The following TPRG1 variants were observed in gnomAD, a reference collection of about 807,000 sequenced individuals.
The protein encoded by TPRG1 is tumor protein p63 regulated 1, also known as tumor protein p63-regulated gene 1 protein.
In TPRG1, 29 loss-of-function variants were observed where a neutral mutation model predicts 29.3. That is an observed-to-expected ratio of 0.99 (90% CI 0.74 to 1.35). TPRG1 has a LOEUF of 1.35. Among genes scored for constraint, TPRG1 ranks in the 40% most tolerant of loss-of-function variants. The pLI, the probability that TPRG1 is intolerant of heterozygous loss-of-function variation, is 0.00. For missense variants in TPRG1, 327 were observed against 335.0 expected (o/e 0.98, Z 0.19); for synonymous variants, 130 against 116.8 (o/e 1.11, Z -0.73).
chr3:189,022,520 G>C (rs1289661571), intron 3 of TPRG1, among the ~76,000 whole-genome samples: 25 of 151,542 alleles, frequency 1.6e-4, no homozygotes, highest in Non-Finnish European at 8.8e-5. Flanking sequence ...CCCTGCTGGG[G>C]GGTGCCTCCC....
At chr3:189,054,599 G>A (rs1320933744) in intron 4 of TPRG1, among the ~76,000 whole-genome samples, 3 of 151,800 alleles carry the variant, frequency 2.0e-5, no homozygotes, top group Non-Finnish European at 4.4e-5. Flanking sequence ...AGACAACAAT[G>A]TCTACACACA....
intron 1 of TPRG1, among the ~76,000 whole-genome samples, chr3:189,118,186 G>A (rs762308913): frequency 6.6e-6 from 1 of 152,198 alleles, no homozygotes; most frequent in African/African-American, 2.4e-5. Context: ...AGATGGAGAT[G>A]AGGAACTTGT....
chr3:189,231,265 C>CATAT (rs149177739), intron 3 of TPRG1, among the ~76,000 whole-genome samples: 1,959 of 144,236 alleles, frequency 0.014, 43 homozygotes, highest in African/African-American at 0.038. Flanking sequence ...ACCTATAAAA[C>CATAT]ATATATATAT....
chr3:189,139,987 C>A (rs996373610), intron 3 of TPRG1, among the ~76,000 whole-genome samples: 1 of 152,154 alleles, frequency 6.6e-6, no homozygotes, highest in Non-Finnish European at 1.5e-5. Context: ...TGGATCTTGA[C>A]AAGAGCTGTC....
intron 1 of TPRG1, among the ~76,000 whole-genome samples, chr3:189,101,769 T>A (rs577351042): frequency 4.1e-4 from 62 of 150,984 alleles, no homozygotes; most frequent in Non-Finnish European, 8.7e-4. Context: ...TGTTTTCTTT[T>A]CAAATTAATA....
At chr3:189,311,871 A>G (rs998263944) in intron 5 of TPRG1, among the ~76,000 whole-genome samples, 2 of 152,154 alleles carry the variant, frequency 1.3e-5, no homozygotes, top group Non-Finnish European at 2.9e-5. Context: ...CCTAACACCT[A>G]TTTGAAGGCA....
At chr3:189,189,035 T>C (rs980405134) in intron 1 of TPRG1, among the ~76,000 whole-genome samples, 1 of 152,206 alleles carries the variant, frequency 6.6e-6, no homozygotes, top group Non-Finnish European at 1.5e-5. Context: ...GTAATGAAAA[T>C]GTAGGCACCT....
At chr3:189,142,762 C>T (rs9815495) in intron 3 of TPRG1, among the ~76,000 whole-genome samples, 51,757 of 152,092 alleles carry the variant, frequency 0.34, 9,031 homozygotes, top group Admixed American at 0.45. Flanking sequence ...CCATCTCTTA[C>T]TGAGATCACA....
intron 4 of TPRG1, among the ~76,000 whole-genome samples, chr3:189,256,654 G>A (rs1010223687): frequency 6.6e-6 from 1 of 152,106 alleles, no homozygotes; most frequent in Non-Finnish European, 1.5e-5. Flanking sequence ...CTCTCTGTAG[G>A]TCTCTAAGAA....
rs150327874 is a variant in TPRG1 at position 189,013,015 on chromosome 3, T to C, written c.-660+8255T>C. On this transcript the variant is annotated intron_variant, in intron 3 of 10. Coordinates refer to the TPRG1 transcript ENST00000433971. Reference sequence around the variant, plus strand: ...GATAGAAATATCTTTTGTATTTCTATCTCCTTCAGTTCAGCTCTAATCTTG... The same window carrying C: ...GATAGAAATATCTTTTGTATTTCTACCTCCTTCAGTTCAGCTCTAATCTTG... Among the ~76,000 whole-genome samples, 183 of 152,286 alleles carry C rather than the reference T, an allele frequency of 1.2e-3. 2 individuals carry two copies. Among genetic ancestry groups the C allele is most frequent in the African/African-American group, 4.3e-3 (178 of 41,564 alleles).
chr3:189,231,945 G>T (rs1274433939), intron 3 of TPRG1, among the ~76,000 whole-genome samples: 30 of 75,060 alleles, frequency 4.0e-4, no homozygotes, highest in African/African-American at 1.7e-3. Flanking sequence ...AACCTGGTTT[G>T]TGTGTGTGTG....
At chr3:189,179,830 G>A (rs75571852) in intron 1 of TPRG1, among the ~76,000 whole-genome samples, 4,517 of 152,328 alleles carry the variant, frequency 0.03, 107 homozygotes, top group Non-Finnish European at 0.042. Context: ...GAGTACCCAA[G>A]TTCAAGACAT....
At chr3:189,103,082 T>C (rs942077531) in intron 1 of TPRG1, among the ~76,000 whole-genome samples, 1 of 152,206 alleles carries the variant, frequency 6.6e-6, no homozygotes, top group Non-Finnish European at 1.5e-5. Flanking sequence ...CAATTAACTC[T>C]CCACATCATG....
chr3:189,097,023 AGTGC>A (rs1414171510), upstream of TPRG1, among the ~76,000 whole-genome samples: 1 of 152,194 alleles, frequency 6.6e-6, no homozygotes, highest in East Asian at 1.9e-4. Context: ...AAAATTTACT[AGTGC>A]ATCTTGCATT....
intron 2 of TPRG1, among the ~76,000 whole-genome samples, chr3:189,002,724 A>C (rs1712091356): frequency 6.6e-6 from 1 of 152,160 alleles, no homozygotes; most frequent in Admixed American, 6.5e-5. Flanking sequence ...ATGACCTTTC[A>C]TCTGATGAAT....
chr3:189,084,115 C>A (rs1245137721), intron 4 of TPRG1, among the ~76,000 whole-genome samples: 1 of 151,596 alleles, frequency 6.6e-6, no homozygotes, highest in African/African-American at 2.4e-5. Context: ...TGCACTGTTG[C>A]ACTCCAGCCT....
chr3:189,208,002 C>T (rs9863078), intron 2 of TPRG1, among the ~76,000 whole-genome samples: 51,300 of 151,922 alleles, frequency 0.34, 8,825 homozygotes, highest in South Asian at 0.52. Context: ...TTGCTAAGAT[C>T]GCACTGACTC....
At chr3:189,317,641 C>T (rs577506576) in intron 5 of TPRG1, among the ~76,000 whole-genome samples, 1 of 152,332 alleles carries the variant, frequency 6.6e-6, no homozygotes, top group East Asian at 1.9e-4. Context: ...CTTAAGACCC[C>T]TCTGCCTGAT....
intron 4 of TPRG1, among the ~76,000 whole-genome samples, chr3:189,256,767 C>T (rs2109022035): frequency 6.6e-6 from 1 of 152,240 alleles, no homozygotes; most frequent in Non-Finnish European, 1.5e-5. Flanking sequence ...TAATGCCCTT[C>T]TTTGTCTTTT....
Sources: allele counts gnomAD v4.1 joint callset (sites outside exome capture counted in the v4.1 genomes callset), GRCh38; gene constraint gnomAD v4.1.1; transcripts MANE v1.5; gene names NCBI Gene and HGNC (gene_info 2026-07-23, HGNC 2026-07-21).